Variants in DLGAP2 observed in about 807,000 individuals in gnomAD.
DLGAP2 encodes DLG associated protein 2, also known as disks large-associated protein 2.
A neutral mutation model predicts 100.3 loss-of-function variants in DLGAP2; 26 were observed. The observed-to-expected ratio is 0.26, with a 90% CI of 0.19 to 0.36. DLGAP2 has a LOEUF of 0.36. Ranked by LOEUF, DLGAP2 falls within the 10% of genes least tolerant of loss-of-function variation. DLGAP2 has a pLI of 1.00. For synonymous variants in DLGAP2, 886 were observed against 630.1 expected (o/e 1.41, Z -6.08); for missense variants, 1,858 against 1,453.2 (o/e 1.28, Z -4.53).
rs1462327372 is a variant in DLGAP2, at chr8:1,577,566, T to TAA, written c.1442+11672_1442+11673insAA. Among the ~76,000 whole-genome samples, 18 of 53,586 alleles carry TAA rather than the reference T, an allele frequency of 3.4e-4. No homozygotes were observed. In the African/African-American group the frequency reaches 3.7e-3, roughly 11 times the overall value. 35.2% of individuals were successfully genotyped at this position (53,586 alleles called of 152,430 possible). On this transcript the variant is annotated intron_variant, in intron 6 of 14. Coordinates refer to ENST00000637795, the MANE Select transcript of DLGAP2 (RefSeq NM_001346810.2). ...CTGGGCCACAGAATTACACTCTCTC[T>TAA]CAAAAAAAAAAAAAAAAAAAAAAAT... is the stretch of plus-strand genomic sequence containing the variant.
chr8:821,910 C>G (rs1332882418), intron 1 of DLGAP2, among the ~76,000 whole-genome samples: 1 of 152,244 alleles, frequency 6.6e-6, no homozygotes. Context: ...GGTCTACAAA[C>G]AGTTGGTGGT....
intron 3 of DLGAP2, among the ~76,000 whole-genome samples, chr8:1,376,206 CAGAA>C (rs1802383624): frequency 6.6e-6 from 1 of 152,214 alleles, no homozygotes; most frequent in Admixed American, 6.5e-5. Flanking sequence ...GCAGTAAACT[CAGAA>C]AGAGTCCTTG....
At chr8:1,523,838 C>G (rs1800698718) in intron 4 of DLGAP2, among the ~76,000 whole-genome samples, 2 of 152,158 alleles carry the variant, frequency 1.3e-5, no homozygotes, top group Admixed American at 1.3e-4. Context: ...TAAAAGAAAT[C>G]CAGTGAATAA....
intron 2 of DLGAP2, among the ~76,000 whole-genome samples, chr8:1,254,186 C>G (rs914807141): frequency 2.0e-5 from 3 of 152,160 alleles, no homozygotes; most frequent in Non-Finnish European, 4.4e-5. Context: ...CTCAGTCTGC[C>G]TCTCCCTTCC....
intron 3 of DLGAP2, among the ~76,000 whole-genome samples, chr8:1,389,839 C>T (rs1276555921): frequency 6.6e-6 from 1 of 152,064 alleles, no homozygotes; most frequent in East Asian, 1.9e-4. Context: ...AGATCTGCCC[C>T]AGACCCAGAT....
chr8:1,139,180 CCT>C (rs1396964031), intron 2 of DLGAP2, among the ~76,000 whole-genome samples: 7 of 152,226 alleles, frequency 4.6e-5, no homozygotes, highest in Non-Finnish European at 8.8e-5. Flanking sequence ...TGCTGGGCTG[CCT>C]GTGAGACTGG....
intron 2 of DLGAP2, among the ~76,000 whole-genome samples, chr8:1,033,633 C>G (rs1333437120): frequency 6.6e-6 from 1 of 152,198 alleles, no homozygotes; most frequent in African/African-American, 2.4e-5. Context: ...ACACTCTGCA[C>G]TCCAGCCTGG....
intron 3 of DLGAP2, among the ~76,000 whole-genome samples, chr8:1,312,099 A>G (rs1250427146): frequency 6.6e-6 from 1 of 152,242 alleles, no homozygotes; most frequent in African/African-American, 2.4e-5. Context: ...GCAGCAGAAC[A>G]CAGATTCTTC....
intron 2 of DLGAP2, among the ~76,000 whole-genome samples, chr8:1,172,397 G>A (rs185050949): frequency 0.19 from 28,370 of 151,078 alleles, 2,847 homozygotes; most frequent in Middle Eastern, 0.34. Context: ...GCTTTGTGGC[G>A]TTCTCTGTAT....
At chr8:1,656,482 C>T (rs2472099) in intron 8 of DLGAP2, among the ~76,000 whole-genome samples, 6 of 152,134 alleles carry the variant, frequency 3.9e-5, no homozygotes, top group Admixed American at 6.5e-5. Context: ...GCCACCACTG[C>T]GTATTTGTCA....
At position 1,467,413 on chromosome 8, in the gene DLGAP2, C is replaced by T. The variant is rs143629434; in HGVS notation, c.107-33953C>T. ...TGCCTTCTACCTCCTCAGGACACCT[C>T]CCAGGAGCTCCAGAGAGACCCAGGA... On this transcript the variant is annotated intron_variant, in intron 3 of 14. Coordinates refer to ENST00000637795, the MANE Select transcript of DLGAP2 (RefSeq NM_001346810.2). 5.3e-5 allele frequency among the ~76,000 whole-genome samples: 8 copies of T among 151,482 alleles called. No homozygotes were observed. The East Asian group carries it at 1.6e-3, about 30-fold the overall frequency.
At chr8:1,146,728 G>A (rs980363621) in intron 2 of DLGAP2, among the ~76,000 whole-genome samples, 14 of 152,092 alleles carry the variant, frequency 9.2e-5, no homozygotes, top group African/African-American at 3.4e-4. Flanking sequence ...TTTTCCTAAG[G>A]CATATCCAGT....
intron 1 of DLGAP2, among the ~76,000 whole-genome samples, chr8:869,198 G>C (rs1046397764): frequency 6.6e-6 from 1 of 152,046 alleles, no homozygotes; most frequent in Non-Finnish European, 1.5e-5. Flanking sequence ...TTTCCCTGTG[G>C]TTACCAACCA....
At chr8:891,436 C>T (rs1481698630) in intron 1 of DLGAP2, 1 of 152,380 alleles carries the variant, frequency 6.6e-6, no homozygotes, top group African/African-American at 2.4e-5. Flanking sequence ...TGCGCTCTCC[C>T]TGCGGTCGGA....
chr8:796,275 G>A (rs552604864), intron 1 of DLGAP2, among the ~76,000 whole-genome samples: 7 of 152,284 alleles, frequency 4.6e-5, no homozygotes, highest in Admixed American at 1.3e-4. Flanking sequence ...TCTGGTCCCG[G>A]GATCCCGCTT....
chr8:1,368,315 CTG>C (rs776862430), intron 3 of DLGAP2, among the ~76,000 whole-genome samples: 51 of 151,036 alleles, frequency 3.4e-4, no homozygotes, highest in African/African-American at 1.0e-3. Context: ...ATGTGCATAG[CTG>C]TGTGTGTGCA....
intron 2 of DLGAP2, among the ~76,000 whole-genome samples, chr8:1,191,378 G>C (rs371349064): frequency 2.0e-5 from 3 of 152,094 alleles, no homozygotes; most frequent in African/African-American, 7.2e-5. Flanking sequence ...CACCGTGTTA[G>C]CCAGGATGGT....
At chr8:1,434,121 T>G (rs558945253) in intron 3 of DLGAP2, among the ~76,000 whole-genome samples, 7 of 152,234 alleles carry the variant, frequency 4.6e-5, no homozygotes, top group African/African-American at 1.4e-4. Flanking sequence ...CATGGAGACG[T>G]GGCCGCAGGG....
chr8:1,558,590 G>T (rs551506403), intron 5 of DLGAP2, among the ~76,000 whole-genome samples: 1 of 142,128 alleles, frequency 7.0e-6, no homozygotes, highest in East Asian at 2.1e-4. Flanking sequence ...ACATAGGCAT[G>T]CATGCACACC....
Sources: allele counts gnomAD v4.1 joint callset (sites outside exome capture counted in the v4.1 genomes callset), GRCh38; gene constraint gnomAD v4.1.1; transcripts MANE v1.5; gene names NCBI Gene and HGNC (gene_info 2026-07-23, HGNC 2026-07-21).